Variants in CD33 observed in about 807,000 individuals in gnomAD.
The protein encoded by CD33 is CD33 molecule.
In CD33, 25 loss-of-function variants were observed where a neutral mutation model predicts 31.4. The ratio of observed to expected loss-of-function variants is 0.80; its 90% CI spans 0.58 to 1.11. The LOEUF (loss-of-function observed/expected upper bound fraction) is 1.11, where lower values mean the gene tolerates loss of function less well. Among genes scored for constraint, CD33 ranks in the 50% most tolerant of loss-of-function variants. The probability of loss-of-function intolerance (pLI) is 0.00; values close to 1 mark genes in which losing one functional copy is unlikely to be tolerated. For synonymous variants in CD33, 176 were observed against 180.6 expected, an observed-to-expected ratio of 0.97 and a Z score of 0.20; for missense variants, 407 against 448.1, an observed-to-expected ratio of 0.91 and a Z score of 0.83.
intron 3 of CD33, 106 bp downstream of exon 3, chr19:51,226,187 C>A: frequency 6.6e-7 from 1 of 1,519,110 alleles, no homozygotes; most frequent in Non-Finnish European, 9.1e-7. Context: ...AGTTCGGGAG[C>A]CAGAAGGACA....
intron 4 of CD33, among the ~76,000 whole-genome samples, chr19:51,227,462 G>A (rs1032549560): frequency 6.6e-6 from 1 of 152,072 alleles, no homozygotes; most frequent in African/African-American, 2.4e-5. Context: ...GCATTTCCCT[G>A]GTGATTGGTG....
chr19:51,226,464 T>C, intron 4 of CD33, 108 bp downstream of exon 4: 1 of 872,738 alleles, frequency 1.1e-6, no homozygotes. Flanking sequence ...GGCCTGCAGT[T>C]AGACACGGGT....
chr19:51,228,596 T>C (rs1299722189), intron 4 of CD33, among the ~76,000 whole-genome samples: 1 of 152,270 alleles, frequency 6.6e-6, no homozygotes, highest in Non-Finnish European at 1.5e-5. Context: ...TTTTTGTATA[T>C]TGATTTTGCA....
At chr19:51,211,420 G>A in the CD33 span, 3 of 1,572,444 alleles carry the variant, frequency 1.9e-6, no homozygotes, top group Non-Finnish European at 2.6e-6. Context: ...AGAAGTACAG[G>A]AGGAGACTCA....
intron 4 of CD33, among the ~76,000 whole-genome samples, chr19:51,226,867 A>G (rs562187466): frequency 6.6e-6 from 1 of 151,572 alleles, no homozygotes; most frequent in South Asian, 2.1e-4. Flanking sequence ...TCTCCTTATC[A>G]TTGTTCCCCT....
At chr19:51,220,710 A>G (rs1467045982), upstream of CD33, among the ~76,000 whole-genome samples, 1 of 152,188 alleles carries the variant, frequency 6.6e-6, no homozygotes, top group Admixed American at 6.5e-5. Context: ...TTTGGGGGTC[A>G]TTATTCAGAT....
chr19:51,211,278 C>A, the CD33 span: 14 of 1,568,356 alleles, frequency 8.9e-6, no homozygotes, highest in Non-Finnish European at 1.1e-5. Context: ...AGGGTTTGTG[C>A]GTCCTCGTGC....
the CD33 span, among the ~76,000 whole-genome samples, chr19:51,214,528 A>G: frequency 6.6e-6 from 1 of 152,220 alleles, no homozygotes; most frequent in African/African-American, 2.4e-5. Flanking sequence ...GTATAGCCTA[A>G]TAGTGAGTGT....
chr19:51,212,530 C>A, the CD33 span, among the ~76,000 whole-genome samples: 1 of 151,718 alleles, frequency 6.6e-6, no homozygotes, highest in African/African-American at 2.4e-5. Context: ...TCCCCATCGC[C>A]CCCTCACTCC....
intron 4 of CD33, among the ~76,000 whole-genome samples, chr19:51,233,534 C>T (rs1289201094): frequency 6.6e-6 from 1 of 152,236 alleles, no homozygotes; most frequent in Non-Finnish European, 1.5e-5. Flanking sequence ...GGGTGCACTC[C>T]AGAGATGGCT....
At chr19:51,218,832 G>T in the CD33 span, among the ~76,000 whole-genome samples, 1 of 152,162 alleles carries the variant, frequency 6.6e-6, no homozygotes, top group Non-Finnish European at 1.5e-5. Flanking sequence ...TCAGGTAGCT[G>T]TAAGTATATG....
In CD33 at chr19:51,226,092, G is replaced by C. The variant is rs563504401; in HGVS notation, c.697+11G>C. The stretch of plus-strand genomic sequence containing the variant: ...AGCTCAACGTCACCTGTAAGTGCTG[G>C]GCCAGGATGCTGGGGTCCCTGAGGG... On this transcript the variant is annotated intron_variant, in intron 3 of 6. Transcript: ENST00000262262. 93 of 1,612,762 alleles carry C rather than the reference G, an allele frequency of 5.8e-5. No homozygotes were observed. In the East Asian group the frequency reaches 1.9e-3, roughly 33 times the overall value.
the CD33 span, among the ~76,000 whole-genome samples, chr19:51,215,748 C>T: frequency 6.6e-6 from 1 of 152,168 alleles, no homozygotes; most frequent in Admixed American, 6.5e-5. Context: ...CCACCTTCTC[C>T]AGATCTCATA....
chr19:51,225,514 G>A lies in CD33; in HGVS notation c.334G>A (p.Asp112Asn). ...SLSIVDARRR[D>N]NGSYFFRMER... ...GAGCATCGTAGACGCCAGGAGGAGG[G>A]ATAATGGTTCATACTTCTTTCGGAT... Residue 112 changes from aspartate (D) to asparagine (N), a missense_variant, in exon 2 of 7, where the codon GAT (aspartate) becomes AAT (asparagine). Transcript: ENST00000262262. 1.2e-6 allele frequency: 2 copies of A among 1,611,148 alleles called. No homozygotes were observed. Among genetic ancestry groups the A allele is most frequent in the Non-Finnish European group, 1.7e-6 (2 of 1,178,544 alleles).
chr19:51,217,394 T>TTTG, the CD33 span, among the ~76,000 whole-genome samples: 38 of 152,086 alleles, frequency 2.5e-4, no homozygotes, highest in African/African-American at 7.7e-4. Flanking sequence ...TTGTTTTTGT[T>TTTG]TTGTTGTTGT....
rs573035152 is a variant in CD33, at chr19:51,235,954, T to C, written c.924+278T>C. ...CGGGCGGATCACGAGGTCAGGAGATTGAGACTATCCTGGCTAACATGGTGA... is the reference window on the plus strand; with the variant it reads ...CGGGCGGATCACGAGGTCAGGAGATCGAGACTATCCTGGCTAACATGGTGA... On this transcript the variant is annotated intron_variant, in intron 6 of 6. Coordinates refer to ENST00000262262, the MANE Select transcript of CD33 (RefSeq NM_001772.4). 591 of 693,258 alleles carry C rather than the reference T, an allele frequency of 8.5e-4. 3 individuals are homozygous for C. The highest frequency in any genetic ancestry group is 2.1e-3 in the East Asian group (79 of 37,020). The allele number at this position is 693,258 out of a possible 1,614,324, so 42.9% of individuals were successfully genotyped here. A position where few individuals can be genotyped will look rare whatever the true frequency, so the allele number is the denominator to read the frequency against.
chr19:51,211,796 G>C, the CD33 span: 2 of 858,468 alleles, frequency 2.3e-6, no homozygotes, highest in South Asian at 1.4e-5. Context: ...CACCAGCCCT[G>C]ACCCACAGGC....
chr19:51,220,662 G>C (rs1980645265), upstream of CD33, among the ~76,000 whole-genome samples: 1 of 152,122 alleles, frequency 6.6e-6, no homozygotes, highest in Admixed American at 6.5e-5. Context: ...TACCTATAAA[G>C]TAACAATACA....
intron 4 of CD33, among the ~76,000 whole-genome samples, chr19:51,228,348 G>A (rs1279132874): frequency 6.6e-6 from 1 of 152,070 alleles, no homozygotes; most frequent in African/African-American, 2.4e-5. Context: ...AGATTTCTTT[G>A]GGTAGTATAA....
Sources: allele counts gnomAD v4.1 joint callset (sites outside exome capture counted in the v4.1 genomes callset), GRCh38; gene constraint gnomAD v4.1.1; transcripts MANE v1.5; gene names NCBI Gene and HGNC (gene_info 2026-07-23, HGNC 2026-07-21).